The following RIPK4 variants were observed in gnomAD, a reference collection of about 807,000 sequenced individuals.
The protein encoded by RIPK4 is receptor interacting serine/threonine kinase 4.
RIPK4 carries 17 observed loss-of-function variants against 42.9 expected under a neutral mutation model. That is an observed-to-expected ratio of 0.40 (90% confidence interval 0.27 to 0.59). RIPK4 has a LOEUF of 0.59. Ranked by LOEUF, RIPK4 falls within the 20% of genes least tolerant of loss-of-function variation. RIPK4 has a pLI of 0.47. For missense variants in RIPK4, 897 were observed against 1,104.4 expected, an observed-to-expected ratio of 0.81 and a Z score of 2.66; for synonymous variants, 498 against 499.1, an observed-to-expected ratio of 1.00 and a Z score of 0.03.
rs772335369 is a variant in RIPK4, at chr21:41,745,797, C to T, written c.898G>A (p.Asp300Asn). The change falls in exon 6 of 8, where the codon GAT becomes AAT. Residue 300 changes from aspartate (D) to asparagine (N), a missense_variant. Asp to Asn is a conservative substitution (Grantham distance 23). Coordinates refer to ENST00000332512, the MANE Select transcript of RIPK4 (RefSeq NM_020639.3). Reference sequence around the variant, plus strand: ...TCCGGGGGGCTTTTCACGTCCAGATCATGAGCAGTTTCTTTCACTTCGTCA... The same window carrying T: ...TCCGGGGGGCTTTTCACGTCCAGATTATGAGCAGTTTCTTTCACTTCGTCA... ...PDDEVKETAH[D>N]LDVKSPPEPR... The T allele has an allele frequency of 1.9e-6, 3 of 1,614,114 alleles. No homozygotes were observed. The highest frequency in any genetic ancestry group is 2.5e-6 in the Non-Finnish European group (3 of 1,180,048).
At chr21:41,754,672 G>A (rs1046477262) in intron 2 of RIPK4, among the ~76,000 whole-genome samples, 4 of 152,148 alleles carry the variant, frequency 2.6e-5, no homozygotes, top group East Asian at 1.9e-4. Flanking sequence ...TGCCTGCCCC[G>A]ACTCCTGAGG....
At chr21:41,758,542 T>C (rs1385815341) in intron 1 of RIPK4, among the ~76,000 whole-genome samples, 1 of 152,248 alleles carries the variant, frequency 6.6e-6, no homozygotes, top group Non-Finnish European at 1.5e-5. Flanking sequence ...CCTGGAGTCG[T>C]GGCTTTCAAT....
intron 1 of RIPK4, among the ~76,000 whole-genome samples, chr21:41,761,441 C>T (rs368256111): frequency 5.9e-5 from 9 of 152,222 alleles, no homozygotes; most frequent in Non-Finnish European, 1.2e-4. Flanking sequence ...TGTCTGTTTC[C>T]GATTGCTCAA....
At chr21:41,745,604 T>G (rs998495205) in intron 6 of RIPK4, among the ~76,000 whole-genome samples, 155 bp downstream of exon 6, 16 of 151,878 alleles carry the variant, frequency 1.1e-4, no homozygotes, top group African/African-American at 3.4e-4. Flanking sequence ...TGAGCCCCCA[T>G]GGGACCTACA....
At chr21:41,753,513 C>T (rs1031403881) in intron 2 of RIPK4, among the ~76,000 whole-genome samples, 3 of 152,214 alleles carry the variant, frequency 2.0e-5, no homozygotes, top group Admixed American at 6.5e-5. Flanking sequence ...CTCCATGTCT[C>T]GGACTCCTGG....
At chr21:41,759,560 T>G (rs1273921407) in intron 1 of RIPK4, among the ~76,000 whole-genome samples, 7 of 152,158 alleles carry the variant, frequency 4.6e-5, no homozygotes, top group Non-Finnish European at 8.8e-5. Flanking sequence ...GAATCCAGCG[T>G]CCAGCCCAAG....
Position 41,739,795 on chromosome 21 carries a change from C to CA in RIPK4, c.*1042dup, listed in dbSNP as rs1555909316. The CA allele has an allele frequency of 2.0e-5, 3 of 152,318 alleles. No individual in the cohort carries two copies. The highest frequency in any genetic ancestry group is 1.5e-5 in the Non-Finnish European group (1 of 68,090). 9.4% of individuals were successfully genotyped at this position (152,318 alleles called of 1,614,324 possible). A position where few individuals can be genotyped will look rare whatever the true frequency, so the allele number is the denominator to read the frequency against. The stretch of plus-strand genomic sequence containing the variant: ...CAAAGCAGGTCAGAAACACTCCCCC[C>CA]ATACCCCAAAACACTATCCCTATCC... On this transcript the variant is annotated 3_prime_UTR_variant, in exon 8 of 8. Transcript: ENST00000332512.
intron 6 of RIPK4, among the ~76,000 whole-genome samples, chr21:41,744,357 C>T (rs568715054): frequency 1.3e-5 from 2 of 151,742 alleles, no homozygotes; most frequent in South Asian, 2.1e-4. Flanking sequence ...CACACAGCGC[C>T]GCGGAGCTCA....
rs1374541705 is a variant in RIPK4, at chr21:41,756,575, G to A, written c.424C>T (p.Leu142=). The A allele has an allele frequency of 6.2e-7, 1 of 1,614,048 alleles. No individual in the cohort carries two copies. Among genetic ancestry groups the A allele is most frequent in the Admixed American group, 1.7e-5 (1 of 60,022 alleles). The part of the protein sequence containing the change: ...LHCMAPPLLH[L]DLKPANILLD... ...AGGATGTTCGCGGGCTTGAGGTCCA[G>A]GTGCAGGAGTGGCGGGGCCATGCAG... The change falls in exon 2 of 8, where the codon CTG becomes TTG. Residue 142 remains leucine (L), a synonymous_variant. Transcript: ENST00000332512.
chr21:41,745,753 C>A lies in RIPK4; in HGVS notation c.936+6G>T. 3 of 1,611,858 alleles carry A rather than the reference C, an allele frequency of 1.9e-6. No individual in the cohort carries two copies. The highest frequency in any genetic ancestry group is 2.5e-6 in the Non-Finnish European group (3 of 1,178,070). On this transcript the variant is annotated splice_donor_region_variant and intron_variant, in intron 6 of 7. Transcript: ENST00000332512. ...ACAAAAGACCCCTGTGGGAAGGACT[C>A]GTTACCTCGCTCCTGGGCTCCGGGG...
intron 4 of RIPK4, 25 bp downstream of exon 4, chr21:41,749,129 A>G: frequency 6.2e-7 from 1 of 1,612,776 alleles, no homozygotes; most frequent in Non-Finnish European, 8.5e-7. Context: ...CAAGCACATT[A>G]CACCTCAAAG....
rs768097285 is a variant in RIPK4 at position 41,741,415 on chromosome 21, G to A, written c.1778C>T (p.Pro593Leu). The A allele has an allele frequency of 6.8e-6, 11 of 1,612,656 alleles. No individual in the cohort carries two copies. Among genetic ancestry groups the A allele is most frequent in the South Asian group, 5.5e-5 (5 of 91,090 alleles). ...CGTCTGGGCGTTCACACTCACCCCC[G>A]GCTGCTTGGCCAGCAGCTTGACGAT... ...LPIVKLLAKQ[P>L]GVSVNAQTLD... is the part of the protein sequence containing the mutation. The change falls in exon 8 of 8, where the codon CCG becomes CTG. Residue 593 changes from proline (P) to leucine (L), a missense_variant. By Grantham distance (98) the Pro-to-Leu change is moderately conservative. Coordinates refer to ENST00000332512, the MANE Select transcript of RIPK4 (RefSeq NM_020639.3).
At chr21:41,756,462 C>T in intron 2 of RIPK4, 63 bp downstream of exon 2, 2 of 1,561,788 alleles carry the variant, frequency 1.3e-6, no homozygotes, top group Non-Finnish European at 1.7e-6. Flanking sequence ...CCCCTTGATA[C>T]CCTGCTCCCC....
chr21:41,766,798 C>CACCCCG lies in RIPK4; in HGVS notation c.182+56_182+61dup, dbSNP rs1176879276. 16 of 1,515,428 alleles carry CACCCCG rather than the reference C, an allele frequency of 1.1e-5. No homozygotes were observed. The East Asian group carries it at 1.5e-4, about 14-fold the overall frequency. The allele number at this position is 1,515,428 out of a possible 1,614,324, so 93.9% of individuals were successfully genotyped here. On this transcript the variant is annotated intron_variant, in intron 1 of 7. Coordinates refer to ENST00000332512, the MANE Select transcript of RIPK4 (RefSeq NM_020639.3). ...GAGAGGCAGGACCCCGGGACCAGAG[C>CACCCCG]ACCCCGACCCCGACCCCAGCCCGGG...
At chr21:41,761,567 A>G (rs930915886) in intron 1 of RIPK4, among the ~76,000 whole-genome samples, 3 of 152,224 alleles carry the variant, frequency 2.0e-5, no homozygotes, top group Admixed American at 1.3e-4. Context: ...CCACTGTGCA[A>G]CCGTGTGAGG....
At chr21:41,756,911 C>A (rs1303933207) in intron 1 of RIPK4, 95 bp from the exon 2 acceptor site, 3 of 1,331,106 alleles carry the variant, frequency 2.3e-6, no homozygotes, top group Non-Finnish European at 3.1e-6. Flanking sequence ...CTCCAGAGGG[C>A]TGAGCAAATG....
At position 41,741,491 on chromosome 21, in the gene RIPK4, TGCCCTGCAG is replaced by T; in HGVS notation, c.1693_1701del (p.Leu565_Gly567del). On this transcript the variant is annotated inframe_deletion, in exon 8 of 8. Coordinates refer to ENST00000332512, the MANE Select transcript of RIPK4 (RefSeq NM_020639.3). ...TAGTGCAGTGGCAGCCAGGCATCCT[TGCCCTGCAG>T]GCTCACGTCCACGCCTCGGCGCAGC... 1 of 1,612,634 alleles carries T rather than the reference TGCCCTGCAG, an allele frequency of 6.2e-7. No homozygotes were observed. The highest frequency in any genetic ancestry group is 8.5e-7 in the Non-Finnish European group (1 of 1,179,948).
chr21:41,749,752 G>A (rs1449730836), intron 3 of RIPK4, among the ~76,000 whole-genome samples: 1 of 152,102 alleles, frequency 6.6e-6, no homozygotes, highest in Non-Finnish European at 1.5e-5. Context: ...TAAAGAAAGT[G>A]CGCAGAAAAC....
At position 41,754,962 on chromosome 21, in the gene RIPK4, C is replaced by T. The variant is rs898271661; in HGVS notation, c.474+1563G>A. 3.3e-5 allele frequency among the ~76,000 whole-genome samples: 5 copies of T among 152,360 alleles called. No homozygotes were observed. The East Asian group carries it at 7.7e-4, about 24-fold the overall frequency. The stretch of plus-strand genomic sequence containing the variant: ...CCAGAGGCCACCGTCCACTCTGCAC[C>T]TCTGCTCTGAGGATGAGGGCAGCTC... On this transcript the variant is annotated intron_variant, in intron 2 of 7. Transcript: ENST00000332512.
Sources: gnomAD v4.1 joint callset for allele counts (sites outside exome capture counted in the v4.1 genomes callset) on GRCh38, gnomAD v4.1.1 for gene constraint, MANE v1.5 for transcripts, NCBI Gene and HGNC (gene_info 2026-07-23, HGNC 2026-07-21) for gene names.